The following EYA1 variants were observed in gnomAD, a reference collection of about 807,000 sequenced individuals.
EYA1 encodes the protein protein phosphatase EYA1.
A neutral mutation model predicts 82.0 loss-of-function variants in EYA1; 16 were observed. The observed-to-expected ratio is 0.20, with a 90% CI of 0.13 to 0.30. The LOEUF is 0.30. Ranked by LOEUF, EYA1 falls within the 10% of genes least tolerant of loss-of-function variation. The probability of loss-of-function intolerance (pLI) is 1.00; values close to 1 mark genes in which losing one functional copy is unlikely to be tolerated. For synonymous variants in EYA1, 261 were observed against 264.4 expected, an observed-to-expected ratio of 0.99 and a Z score of 0.12; for missense variants, 633 against 730.7, an observed-to-expected ratio of 0.87 and a Z score of 1.54.
intron 4 of EYA1, among the ~76,000 whole-genome samples, chr8:71,332,048 T>TC (rs1165635488): frequency 6.6e-6 from 1 of 152,014 alleles, no homozygotes; most frequent in East Asian, 1.9e-4. Context: ...GAGACAGGTC[T>TC]CCCTGTGTTG....
intron 12 of EYA1, among the ~76,000 whole-genome samples, chr8:71,226,649 TCCATTA>T (rs1383782574): frequency 1.3e-5 from 2 of 148,874 alleles, no homozygotes; most frequent in African/African-American, 4.9e-5. Context: ...CATTAACTAA[TCCATTA>T]CCTTAGTGAC....
chr8:71,327,208 A>G (rs1201510034), intron 4 of EYA1, among the ~76,000 whole-genome samples: 3 of 152,220 alleles, frequency 2.0e-5, no homozygotes, highest in African/African-American at 7.2e-5. Context: ...CTATATTCCC[A>G]CTGCCTAGAA....
At chr8:71,388,792 A>G (rs542411638) in intron 2 of EYA1, among the ~76,000 whole-genome samples, 1 of 152,128 alleles carries the variant, frequency 6.6e-6, no homozygotes, top group Non-Finnish European at 1.5e-5. Context: ...TAATAAGCAT[A>G]ATAGTGATAG....
At chr8:71,314,968 T>A (rs1370363240) in intron 7 of EYA1, among the ~76,000 whole-genome samples, 2 of 145,116 alleles carry the variant, frequency 1.4e-5, no homozygotes, top group African/African-American at 5.0e-5. Flanking sequence ...ATTCATTTCC[T>A]TTTCTACTCA....
intron 2 of EYA1, among the ~76,000 whole-genome samples, chr8:71,503,844 T>C (rs1811996332): frequency 6.6e-6 from 1 of 152,210 alleles, no homozygotes; most frequent in Admixed American, 6.5e-5. Flanking sequence ...GGGTCTGGAC[T>C]TGAATCTAGG....
chr8:71,352,749 G>A lies in EYA1; in HGVS notation c.124+2033C>T, dbSNP rs557482120. Among the ~76,000 whole-genome samples the A allele has an allele frequency of 3.3e-5, 5 of 152,280 alleles. No homozygotes were observed. The South Asian group carries it at 1.0e-3, about 32-fold the overall frequency. On this transcript the variant is annotated intron_variant, in intron 3 of 17. Coordinates refer to ENST00000340726, the MANE Select transcript of EYA1 (RefSeq NM_000503.6). ...TAATTATGCAAAAATCCAACAAAGT[G>A]CAGTATTCCTAAATATGAATGTGAT... is the stretch of plus-strand genomic sequence containing the variant.
In EYA1 at chr8:71,271,754, G is replaced by C. The variant is rs139429307; in HGVS notation, c.966+4C>G. On this transcript the variant is annotated splice_donor_region_variant and intron_variant, in intron 10 of 17. Coordinates refer to ENST00000340726, the MANE Select transcript of EYA1 (RefSeq NM_000503.6). ...TATTCACTTGGGTGTTGGCTATGAC[G>C]TACCTCAAGATCAGAATCTGGGGGA... 1.2e-6 allele frequency: 2 copies of C among 1,614,138 alleles called. No homozygotes were observed. Among genetic ancestry groups the C allele is most frequent in the Non-Finnish European group, 8.5e-7 (1 of 1,180,010 alleles).
chr8:71,264,702 C>T (rs1167055060), intron 11 of EYA1, among the ~76,000 whole-genome samples: 1 of 151,974 alleles, frequency 6.6e-6, no homozygotes, highest in Non-Finnish European at 1.5e-5. Context: ...CTCAGCCCTC[C>T]CAAGCAGCTA....
chr8:71,486,442 AAGGAGAAC>A (rs1181832649), intron 2 of EYA1, among the ~76,000 whole-genome samples: 1 of 152,176 alleles, frequency 6.6e-6, no homozygotes, highest in Non-Finnish European at 1.5e-5. Flanking sequence ...TTCTCTCTCC[AAGGAGAAC>A]AGCATTAGAA....
intron 12 of EYA1, among the ~76,000 whole-genome samples, chr8:71,237,049 A>G (rs1473512907): frequency 1.3e-5 from 2 of 148,520 alleles, no homozygotes; most frequent in Admixed American, 6.7e-5. Context: ...TTGACTTGAC[A>G]TTTCTTTTCT....
intron 2 of EYA1, among the ~76,000 whole-genome samples, chr8:71,394,737 T>C (rs1331750590): frequency 6.6e-6 from 1 of 152,032 alleles, no homozygotes; most frequent in African/African-American, 2.4e-5. Flanking sequence ...ATGCCTCCAG[T>C]TTTGTTCTTT....
intron 7 of EYA1, among the ~76,000 whole-genome samples, chr8:71,311,548 T>C (rs571352867): frequency 5.9e-5 from 9 of 152,338 alleles, no homozygotes; most frequent in Middle Eastern, 6.8e-3. Context: ...GCTTTGTCAA[T>C]GGTGTGTGAA....
intron 2 of EYA1, among the ~76,000 whole-genome samples, chr8:71,477,446 G>A (rs1373397704): frequency 6.6e-6 from 1 of 151,862 alleles, no homozygotes; most frequent in South Asian, 2.1e-4. Context: ...TACACAAATG[G>A]TCACATGAAA....
chr8:71,212,681 T>A (rs187104724), intron 16 of EYA1, among the ~76,000 whole-genome samples: 2 of 152,224 alleles, frequency 1.3e-5, no homozygotes, highest in Admixed American at 6.5e-5. Context: ...TAGTTTTATA[T>A]GAAGTATTCA....
At chr8:71,211,319 G>A in intron 16 of EYA1, 63 bp from the exon 17 acceptor site, 2 of 1,049,292 alleles carry the variant, frequency 1.9e-6, no homozygotes, top group Non-Finnish European at 3.0e-6. Context: ...GACAGTGCTT[G>A]AACTTTTTAT....
At chr8:71,532,364 G>C (rs1814349111) in intron 2 of EYA1, among the ~76,000 whole-genome samples, 1 of 152,098 alleles carries the variant, frequency 6.6e-6, no homozygotes, top group African/African-American at 2.4e-5. Flanking sequence ...AATTACACTG[G>C]TAGCTATTGC....
At chr8:71,318,739 T>C (rs185202499) in intron 6 of EYA1, among the ~76,000 whole-genome samples, 2 of 152,332 alleles carry the variant, frequency 1.3e-5, no homozygotes, top group Non-Finnish European at 2.9e-5. Flanking sequence ...TTACTGTTTA[T>C]TTCCATTTTA....
chr8:71,266,446 T>A (rs1815822408), intron 11 of EYA1, among the ~76,000 whole-genome samples: 1 of 152,168 alleles, frequency 6.6e-6, no homozygotes, highest in Non-Finnish European at 1.5e-5. Context: ...TCTTATCAAC[T>A]GTAATGATTT....
At chr8:71,490,592 C>T (rs747134983) in intron 2 of EYA1, among the ~76,000 whole-genome samples, 10 of 151,774 alleles carry the variant, frequency 6.6e-5, no homozygotes, top group Non-Finnish European at 1.0e-4. Context: ...GAAAATTATT[C>T]GAGGAGCTGA....
Sources: allele counts gnomAD v4.1 joint callset (sites outside exome capture counted in the v4.1 genomes callset), GRCh38; gene constraint gnomAD v4.1.1; transcripts MANE v1.5; gene names NCBI Gene and HGNC (gene_info 2026-07-23, HGNC 2026-07-21).